Variants in P2RY8 observed in about 807,000 individuals in gnomAD.
The protein encoded by P2RY8 is P2Y receptor family member 8, also known as S-geranylgeranyl-glutathione receptor P2RY8.
In P2RY8, 6 loss-of-function variants were observed where a neutral mutation model predicts 10.0. The ratio of observed to expected loss-of-function variants is 0.60; its 90% CI spans 0.33 to 1.19. The LOEUF (loss-of-function observed/expected upper bound fraction) is 1.19. Ranked by LOEUF, P2RY8 falls within the 50% of genes most tolerant of loss-of-function variation. The pLI, the probability that P2RY8 is intolerant of heterozygous loss-of-function variation, is 0.04. For missense variants in P2RY8, 456 were observed against 542.0 expected, an observed-to-expected ratio of 0.84 and a Z score of 1.58; for synonymous variants, 276 against 252.5, an observed-to-expected ratio of 1.09 and a Z score of -0.88.
At chrX:1,472,422 A>G (rs2091799916) in intron 1 of P2RY8, among the ~76,000 whole-genome samples, 2 of 132,222 alleles carry the variant, frequency 1.5e-5, no homozygotes, top group Admixed American at 1.5e-4. Context: ...ATGAATGGGT[A>G]CATGGGTGGG....
intron 1 of P2RY8, among the ~76,000 whole-genome samples, chrX:1,518,793 G>T (rs1164498482): frequency 2.0e-5 from 3 of 151,840 alleles, no homozygotes; most frequent in Admixed American, 2.0e-4. Flanking sequence ...TATTCTTTCT[G>T]GTTCCCCAAA....
chrX:1,504,431 G>A (rs2092211330), intron 1 of P2RY8, among the ~76,000 whole-genome samples: 2 of 152,170 alleles, frequency 1.3e-5, no homozygotes, highest in Non-Finnish European at 2.9e-5. Flanking sequence ...CCTTTTAGTG[G>A]TGACCCTGTC....
Position 1,466,458 on chromosome X carries a change from G to A in P2RY8, c.101C>T (p.Ala34Val), listed in dbSNP as rs750522809. The A allele has an allele frequency of 1.9e-6, 3 of 1,612,238 alleles. No individual in the cohort carries two copies. Among genetic ancestry groups the A allele is most frequent in the East Asian group, 2.2e-5 (1 of 44,870 alleles). The change falls in exon 2 of 2, where the codon GCG becomes GTG. Residue 34 changes from alanine (A) to valine (V), a missense_variant. Physicochemically the swap from Ala to Val is moderately conservative, Grantham distance 64 (BLOSUM62 0). Transcript: ENST00000381297. ...VALPVVYSLVAAVSIPGNLFS... is the reference protein window; with the variant it reads ...VALPVVYSLVVAVSIPGNLFS... ...GAGGTTGCCCGGGATGCTGACCGCC[G>A]CCACCAGCGAGTACACCACGGGCAG...
chrX:1,498,685 T>G (rs1292020875), intron 1 of P2RY8, among the ~76,000 whole-genome samples: 1 of 148,090 alleles, frequency 6.8e-6, no homozygotes, highest in African/African-American at 2.5e-5. Flanking sequence ...GCCCGGCTAA[T>G]TTTTGTATTT....
chrX:1,516,145 G>C lies in P2RY8; in HGVS notation c.-25+20776C>G, dbSNP rs187000363. On this transcript the variant is annotated intron_variant, in intron 1 of 1. Coordinates refer to ENST00000381297, the MANE Select transcript of P2RY8 (RefSeq NM_178129.5). ...CTGGGAGGCGGAGGTTGCAGTGAGC[G>C]GAGGTTGCACCACTGCACTCCAGCC... Among the ~76,000 whole-genome samples, 236 of 151,406 alleles carry C rather than the reference G, an allele frequency of 1.6e-3. 3 individuals are homozygous for C. The South Asian group carries it at 0.024, about 16-fold the overall frequency.
rs1197004112 is a variant in P2RY8, at chrX:1,466,574, G to A, written c.-16C>T. 9.4e-6 allele frequency: 15 copies of A among 1,595,254 alleles called. No homozygotes were observed. The highest frequency in any genetic ancestry group is 1.3e-5 in the Non-Finnish European group (15 of 1,173,898). ...GGACCTGCATCCTGGAGGGGTCCTCGCCCGGGCTCTGCAAGGGAAGGAGGG... is the reference window on the plus strand; with the variant it reads ...GGACCTGCATCCTGGAGGGGTCCTCACCCGGGCTCTGCAAGGGAAGGAGGG... On this transcript the variant is annotated 5_prime_UTR_variant, in exon 2 of 2. Transcript: ENST00000381297.
At chrX:1,534,020 ATATAT>A (rs1228098107) in intron 1 of P2RY8, among the ~76,000 whole-genome samples, 5 of 125,384 alleles carry the variant, frequency 4.0e-5, no homozygotes, top group African/African-American at 1.6e-4. Context: ...ACATATTTAC[ATATAT>A]TATATACTTA....
chrX:1,520,360 T>C (rs181882787), intron 1 of P2RY8, among the ~76,000 whole-genome samples: 1 of 151,226 alleles, frequency 6.6e-6, no homozygotes, highest in African/African-American at 2.4e-5. Context: ...ATGTCCCTGG[T>C]TTCCAACATT....
At chrX:1,469,673 C>T (rs1284283195) in intron 1 of P2RY8, among the ~76,000 whole-genome samples, 1 of 151,726 alleles carries the variant, frequency 6.6e-6, no homozygotes, top group Admixed American at 6.6e-5. Flanking sequence ...GGGCAGATCA[C>T]GAGGTCAGGA....
intron 1 of P2RY8, among the ~76,000 whole-genome samples, chrX:1,494,993 C>T (rs1258750273): frequency 1.3e-5 from 2 of 151,820 alleles, no homozygotes; most frequent in African/African-American, 2.4e-5. Context: ...GCTGGGATTA[C>T]GGGCATGAGC....
chrX:1,532,331 T>C (rs2092481248), intron 1 of P2RY8, among the ~76,000 whole-genome samples: 1 of 150,326 alleles, frequency 6.7e-6, no homozygotes, highest in Admixed American at 6.6e-5. Context: ...CACGTATATA[T>C]ACACATATAT....
At chrX:1,487,234 T>A (rs1240827315) in intron 1 of P2RY8, among the ~76,000 whole-genome samples, 2 of 152,166 alleles carry the variant, frequency 1.3e-5, no homozygotes, top group Admixed American at 1.3e-4. Context: ...TTCAATTTCC[T>A]CCTTGTCTTT....
chrX:1,493,784 C>T (rs1279503685), intron 1 of P2RY8, among the ~76,000 whole-genome samples: 1 of 152,124 alleles, frequency 6.6e-6, no homozygotes, highest in Non-Finnish European at 1.5e-5. Context: ...ACGGACAAGA[C>T]GATTTTGCTC....
chrX:1,510,278 A>G (rs1167796360), intron 1 of P2RY8, among the ~76,000 whole-genome samples: 1 of 152,154 alleles, frequency 6.6e-6, no homozygotes, highest in Non-Finnish European at 1.5e-5. Flanking sequence ...TTAGAGCGTG[A>G]TGGACTCACT....
chrX:1,467,253 G>A (rs1222431571), intron 1 of P2RY8, among the ~76,000 whole-genome samples: 8 of 152,082 alleles, frequency 5.3e-5, no homozygotes, highest in Non-Finnish European at 1.0e-4. Context: ...TTTAACACCC[G>A]CGTCAACCCA....
At chrX:1,467,573 C>T (rs1446958344) in intron 1 of P2RY8, among the ~76,000 whole-genome samples, 4 of 152,216 alleles carry the variant, frequency 2.6e-5, no homozygotes, top group Non-Finnish European at 5.9e-5. Flanking sequence ...GACGCTTTAT[C>T]CATGAGCTGG....
rs1366281668 is a variant in P2RY8, at chrX:1,462,839, C to T, written c.*2640G>A. Reference sequence around the variant, plus strand: ...TCCATCTTAAAACATGTGTGTGAGTCAATAGACCTGTGTTATCTTTTCACT... The same window carrying T: ...TCCATCTTAAAACATGTGTGTGAGTTAATAGACCTGTGTTATCTTTTCACT... On this transcript the variant is annotated 3_prime_UTR_variant, in exon 2 of 2. Transcript: ENST00000381297. 8.6e-6 allele frequency: 2 copies of T among 232,828 alleles called. No individual in the cohort carries two copies. The highest frequency in any genetic ancestry group is 4.4e-5 in the African/African-American group (2 of 45,280). The allele number at this position is 232,828 out of a possible 1,614,324, so 14.4% of individuals were successfully genotyped here. A position where few individuals can be genotyped will look rare whatever the true frequency, so the allele number is the denominator to read the frequency against.
intron 1 of P2RY8, among the ~76,000 whole-genome samples, chrX:1,467,790 C>T (rs111400525): frequency 1.3e-5 from 2 of 152,026 alleles, no homozygotes; most frequent in Admixed American, 6.5e-5. Flanking sequence ...AATCCTCCTG[C>T]CTCAGCCTCC....
At chrX:1,486,598 G>A (rs1352919804) in intron 1 of P2RY8, among the ~76,000 whole-genome samples, 2 of 152,204 alleles carry the variant, frequency 1.3e-5, no homozygotes, top group African/African-American at 2.4e-5. Context: ...CCTAAAGGGG[G>A]TGTTTCCTTT....
Sources: allele counts gnomAD v4.1 joint callset (sites outside exome capture counted in the v4.1 genomes callset), GRCh38; gene constraint gnomAD v4.1.1; transcripts MANE v1.5; gene names NCBI Gene and HGNC (gene_info 2026-07-23, HGNC 2026-07-21).